Variants in ADK observed in about 807,000 individuals in gnomAD.
ADK encodes the protein adenosine kinase.
In ADK, 24 loss-of-function variants were observed where a neutral mutation model predicts 44.7. The ratio of observed to expected loss-of-function variants is 0.54; its 90% confidence interval spans 0.39 to 0.76. ADK has a LOEUF of 0.76. Among genes scored for constraint, ADK ranks in the 30% least tolerant of loss-of-function variants. The pLI is 0.00. For missense variants in ADK, 321 were observed against 425.1 expected, an observed-to-expected ratio of 0.76 and a Z score of 2.15; for synonymous variants, 128 against 142.6, an observed-to-expected ratio of 0.90 and a Z score of 0.73.
intron 7 of ADK, among the ~76,000 whole-genome samples, chr10:74,544,515 G>T (rs1446909979): frequency 6.6e-6 from 1 of 152,094 alleles, no homozygotes; most frequent in Non-Finnish European, 1.5e-5. Flanking sequence ...GTGGGAGGTG[G>T]TGCAGAATCA....
At chr10:74,260,413 G>A (rs1846000342) in intron 3 of ADK, among the ~76,000 whole-genome samples, 2 of 152,184 alleles carry the variant, frequency 1.3e-5, no homozygotes, top group African/African-American at 4.8e-5. Context: ...GGGACTACAG[G>A]CATGCACCAC....
intron 6 of ADK, among the ~76,000 whole-genome samples, chr10:74,461,353 C>A (rs1846166651): frequency 1.3e-5 from 2 of 151,998 alleles, no homozygotes; most frequent in Non-Finnish European, 2.9e-5. Flanking sequence ...TAGCCTAATA[C>A]TGTTATAATT....
chr10:74,707,873 G>C (rs1253391723), intron 10 of ADK, among the ~76,000 whole-genome samples: 1 of 151,286 alleles, frequency 6.6e-6, no homozygotes, highest in African/African-American at 2.4e-5. Context: ...TTTGGGAAAA[G>C]ATCTCCCGAC....
intron 9 of ADK, among the ~76,000 whole-genome samples, chr10:74,600,930 G>C (rs2133965149): frequency 6.6e-6 from 1 of 151,440 alleles, no homozygotes; most frequent in African/African-American, 2.4e-5. Flanking sequence ...CTATTTTATA[G>C]CACTCATAAA....
At chr10:74,377,799 A>C (rs1433375765) in intron 4 of ADK, among the ~76,000 whole-genome samples, 1 of 152,180 alleles carries the variant, frequency 6.6e-6, no homozygotes, top group Non-Finnish European at 1.5e-5. Flanking sequence ...GTGTATACTG[A>C]GACGTGACCA....
At chr10:74,625,604 T>A (rs1853165597) in intron 9 of ADK, among the ~76,000 whole-genome samples, 1 of 152,202 alleles carries the variant, frequency 6.6e-6, no homozygotes, top group South Asian at 2.1e-4. Flanking sequence ...AAATCCTTTT[T>A]TTAATTAAAT....
intron 7 of ADK, among the ~76,000 whole-genome samples, chr10:74,571,815 G>C (rs1029659163): frequency 4.6e-5 from 7 of 151,770 alleles, no homozygotes; most frequent in Non-Finnish European, 1.0e-4. Flanking sequence ...GTTATTTCTT[G>C]CCTTCTGCTA....
chr10:74,644,635 G>A (rs552324983), intron 9 of ADK, among the ~76,000 whole-genome samples: 1 of 152,278 alleles, frequency 6.6e-6, no homozygotes, highest in African/African-American at 2.4e-5. Context: ...CTGGGCTGGA[G>A]CAGTGCTCCC....
At chr10:74,532,629 A>G (rs139646710) in intron 7 of ADK, among the ~76,000 whole-genome samples, 46 of 152,080 alleles carry the variant, frequency 3.0e-4, no homozygotes, top group Admixed American at 6.5e-4. Flanking sequence ...GGCTGGGCAT[A>G]GTGCATCACG....
intron 1 of ADK, among the ~76,000 whole-genome samples, chr10:74,154,848 T>G (rs1841705569): frequency 1.3e-5 from 2 of 152,216 alleles, no homozygotes; most frequent in East Asian, 3.8e-4. Flanking sequence ...GATTTTGTTT[T>G]GACTTCCTAA....
chr10:74,583,017 G>A (rs1404446828), intron 7 of ADK, among the ~76,000 whole-genome samples: 1 of 152,020 alleles, frequency 6.6e-6, no homozygotes, highest in Non-Finnish European at 1.5e-5. Flanking sequence ...TTCCTTATCA[G>A]AAATAATGCA....
chr10:74,670,841 C>CTT (rs10653576), intron 10 of ADK, among the ~76,000 whole-genome samples: 122,023 of 151,674 alleles, frequency 0.8, 49,420 homozygotes, highest in African/African-American at 0.89. Flanking sequence ...CAATAGAAGA[C>CTT]TTGGCTTGAT....
chr10:74,234,339 A>G (rs540384325), intron 3 of ADK, among the ~76,000 whole-genome samples: 1 of 152,358 alleles, frequency 6.6e-6, no homozygotes, highest in Non-Finnish European at 1.5e-5. Flanking sequence ...TGAAGCAGAT[A>G]TTGTAATCAT....
At chr10:74,499,695 A>T (rs1847825886) in intron 6 of ADK, among the ~76,000 whole-genome samples, 1 of 152,182 alleles carries the variant, frequency 6.6e-6, no homozygotes, top group Admixed American at 6.5e-5. Flanking sequence ...CTCAAAAAAA[A>T]AAAAGTGACA....
chr10:74,262,794 A>G (rs886138273), intron 3 of ADK, among the ~76,000 whole-genome samples: 8 of 152,224 alleles, frequency 5.3e-5, no homozygotes, highest in South Asian at 2.1e-4. Context: ...GTGCTTTTCA[A>G]TAGTAATATT....
chr10:74,182,637 C>T (rs1419736126), intron 1 of ADK, among the ~76,000 whole-genome samples: 1 of 152,052 alleles, frequency 6.6e-6, no homozygotes, highest in African/African-American at 2.4e-5. Context: ...CCAAAGTGCT[C>T]ACAGGCATGA....
At chr10:74,231,014 T>C (rs1844741205) in intron 3 of ADK, among the ~76,000 whole-genome samples, 1 of 152,110 alleles carries the variant, frequency 6.6e-6, no homozygotes, top group Admixed American at 6.5e-5. Flanking sequence ...GGGATTAATA[T>C]CCATTGCAAG....
chr10:74,548,840 C>G (rs1849929453), intron 7 of ADK, among the ~76,000 whole-genome samples: 1 of 152,108 alleles, frequency 6.6e-6, no homozygotes, highest in African/African-American at 2.4e-5. Flanking sequence ...TAAATAAAGC[C>G]AGGCAACTTG....
At chr10:74,174,999 G>T (rs1055139516) in intron 1 of ADK, among the ~76,000 whole-genome samples, 5 of 152,220 alleles carry the variant, frequency 3.3e-5, no homozygotes, top group African/African-American at 1.2e-4. Flanking sequence ...TCTATCACAG[G>T]GACAGTGATA....
Sources: gnomAD v4.1 joint callset for allele counts (sites outside exome capture counted in the v4.1 genomes callset) on GRCh38, gnomAD v4.1.1 for gene constraint, MANE v1.5 for transcripts, NCBI Gene and HGNC (gene_info 2026-07-23, HGNC 2026-07-21) for gene names.